The following CAPZB variants were observed in gnomAD, a reference collection of about 807,000 sequenced individuals.
CAPZB encodes capping actin protein of muscle Z-line subunit beta.
In CAPZB, 2 loss-of-function variants were observed where a neutral mutation model predicts 38.1. The observed-to-expected ratio is 0.05, with a 90% CI of 0.02 to 0.17. The LOEUF (loss-of-function observed/expected upper bound fraction) is 0.17. Among genes scored for constraint, CAPZB ranks in the 10% least tolerant of loss-of-function variants. The pLI, the probability that CAPZB is intolerant of heterozygous loss-of-function variation, is 1.00. For missense variants in CAPZB, 161 were observed against 334.2 expected (o/e 0.48, Z 4.04); for synonymous variants, 107 against 127.4 (o/e 0.84, Z 1.08).
chr1:19,443,439 A>G (rs1243598580), intron 1 of CAPZB, among the ~76,000 whole-genome samples: 3 of 151,998 alleles, frequency 2.0e-5, no homozygotes, highest in Non-Finnish European at 4.4e-5. Context: ...CTTTTTTTAA[A>G]ATAAGACACT....
intron 2 of CAPZB, among the ~76,000 whole-genome samples, chr1:19,414,734 T>G (rs1271231842): frequency 6.6e-6 from 1 of 152,200 alleles, no homozygotes; most frequent in Non-Finnish European, 1.5e-5. Context: ...TTGCTGCCAG[T>G]GTGCAGAGTA....
intron 2 of CAPZB, among the ~76,000 whole-genome samples, chr1:19,405,255 C>T (rs1003849729): frequency 2.0e-5 from 3 of 152,104 alleles, no homozygotes; most frequent in Non-Finnish European, 4.4e-5. Flanking sequence ...TGGCCAGGCA[C>T]TGTGTTAGGG....
intron 8 of CAPZB, among the ~76,000 whole-genome samples, chr1:19,341,650 G>C (rs2093929661): frequency 6.6e-6 from 1 of 152,222 alleles, no homozygotes; most frequent in Non-Finnish European, 1.5e-5. Context: ...TTCTACGCCA[G>C]GACGCCCCCA....
Position 19,357,053 on chromosome 1 carries a change from T to C in CAPZB, c.472-302A>G, listed in dbSNP as rs955345340. On this transcript the variant is annotated intron_variant, in intron 5 of 8. Coordinates refer to ENST00000264202, the MANE Select transcript of CAPZB (RefSeq NM_004930.5). This position sits in a 1 kb window ranked among gnomAD's most constrained non-coding sequence, Gnocchi z 4.3. The stretch of plus-strand genomic sequence containing the variant: ...ATGTTTTTTGTGTTTTTGGTAGAGA[T>C]GCGGTTTCGCCATATTGGCCAGGCT... Among the ~76,000 whole-genome samples the C allele has an allele frequency of 5.3e-5, 8 of 152,014 alleles. No individual in the cohort carries two copies. The highest frequency in any genetic ancestry group is 1.9e-4 in the African/African-American group (8 of 41,402).
intron 2 of CAPZB, among the ~76,000 whole-genome samples, chr1:19,386,143 G>A (rs2094202805): frequency 6.6e-6 from 1 of 152,232 alleles, no homozygotes; most frequent in African/African-American, 2.4e-5. Flanking sequence ...AACTCTATCT[G>A]CTGCAAAGAG....
intron 6 of CAPZB, among the ~76,000 whole-genome samples, chr1:19,348,309 T>A (rs2093973176): frequency 6.6e-6 from 1 of 152,012 alleles, no homozygotes; most frequent in Non-Finnish European, 1.5e-5. Flanking sequence ...TCTTGCTATG[T>A]TGCCCAGGCT....
At chr1:19,341,882 C>A (rs2093931168) in intron 8 of CAPZB, among the ~76,000 whole-genome samples, 1 of 152,204 alleles carries the variant, frequency 6.6e-6, no homozygotes, top group South Asian at 2.1e-4. Context: ...CTTGGAAAGT[C>A]TGCTGCACCC....
chr1:19,463,976 T>G (rs865935576), intron 1 of CAPZB, among the ~76,000 whole-genome samples: 4 of 151,264 alleles, frequency 2.6e-5, no homozygotes, highest in Admixed American at 1.3e-4. Flanking sequence ...GACCAGGAGT[T>G]TGAGCCGGGC....
intron 1 of CAPZB, among the ~76,000 whole-genome samples, chr1:19,464,339 T>C (rs2094562095): frequency 6.9e-6 from 1 of 145,954 alleles, no homozygotes; most frequent in Admixed American, 6.9e-5. Flanking sequence ...TCGCCCAGGC[T>C]GGAGTGCAGT....
intron 1 of CAPZB, among the ~76,000 whole-genome samples, chr1:19,468,822 C>T: frequency 6.6e-6 from 1 of 152,162 alleles, no homozygotes; most frequent in East Asian, 1.9e-4. Flanking sequence ...GTCTCTGGGC[C>T]CACCTCTCCT....
At chr1:19,346,817 CTTTTTTTTTTTTTT>C (rs34733600) in intron 6 of CAPZB, among the ~76,000 whole-genome samples, 1 of 84,100 alleles carries the variant, frequency 1.2e-5, no homozygotes, top group Admixed American at 1.4e-4. Flanking sequence ...CGACTTTTGT[CTTTTTTTTTTTTTT>C]TTTTTTTTTG....
At chr1:19,476,213 T>TAGACAGACAGAC (rs1433654028) in intron 1 of CAPZB, among the ~76,000 whole-genome samples, 21 of 122,682 alleles carry the variant, frequency 1.7e-4, no homozygotes, top group African/African-American at 7.1e-4. Context: ...GATAGATAGA[T>TAGACAGACAGAC]AGATAGATAG....
chr1:19,343,368 G>A (rs998707888), intron 8 of CAPZB, among the ~76,000 whole-genome samples: 1 of 152,230 alleles, frequency 6.6e-6, no homozygotes, highest in South Asian at 2.1e-4. Context: ...GGGCAGCCCC[G>A]GGACTGCAGC....
At chr1:19,353,678 C>T (rs779092505) in intron 6 of CAPZB, among the ~76,000 whole-genome samples, 6 of 152,232 alleles carry the variant, frequency 3.9e-5, no homozygotes, top group Non-Finnish European at 8.8e-5. Flanking sequence ...TCTGAAAACA[C>T]AGATCCAATC....
rs2094648254 is a variant in CAPZB at position 19,485,446 on chromosome 1, G to C, written c.-8C>G. 3.3e-6 allele frequency: 4 copies of C among 1,230,530 alleles called. No homozygotes were observed. The highest frequency in any genetic ancestry group is 4.2e-5 in the Admixed American group (1 of 23,598). 76.2% of individuals were successfully genotyped at this position (1,230,530 alleles called of 1,614,324 possible). The stretch of plus-strand genomic sequence containing the variant: ...CCGTGCGGCCTTTACCATGGTGGCG[G>C]CGGCGGCGGCGGTCCCGGTCCCGGC... On this transcript the variant is annotated 5_prime_UTR_variant, in exon 1 of 9. Transcript: ENST00000264202.
In CAPZB at chr1:19,445,066, G is replaced by A. The variant is rs1030726424; in HGVS notation, c.4-25316C>T. On this transcript the variant is annotated intron_variant, in intron 1 of 8. Transcript: ENST00000264202. ...CCTTTTTAAAATTTTTTTGACCCAC[G>A]AGATCTTTGACACAAAGATATCCAT... Among the ~76,000 whole-genome samples the A allele has an allele frequency of 6.6e-5, 10 of 152,074 alleles. 1 individual carries two copies. The South Asian group carries it at 1.0e-3, about 16-fold the overall frequency.
chr1:19,364,754 CA>C (rs1362517463), intron 4 of CAPZB, among the ~76,000 whole-genome samples: 1 of 152,244 alleles, frequency 6.6e-6, no homozygotes, highest in Non-Finnish European at 1.5e-5. Context: ...CTCCAGCACT[CA>C]AGACCAAATT....
rs184139549 is a variant in CAPZB, at chr1:19,383,514, T to C, written c.215+1991A>G. 2.5e-3 allele frequency among the ~76,000 whole-genome samples: 377 copies of C among 151,446 alleles called. 1 individual carries two copies. The highest frequency in any genetic ancestry group is 4.2e-3 in the Non-Finnish European group (288 of 67,942). ...GCCTATGGTCTTGTGCAGGGGGCCA[T>C]GTTCGCATCACTGCACTACAGCCTG... On this transcript the variant is annotated intron_variant, in intron 3 of 8. Transcript: ENST00000264202.
intron 1 of CAPZB, among the ~76,000 whole-genome samples, chr1:19,433,669 G>T (rs564843125): frequency 1.3e-5 from 2 of 152,328 alleles, no homozygotes; most frequent in South Asian, 4.1e-4. Context: ...TTATCTAGAA[G>T]GGGGTGGTGC....
Sources: allele counts gnomAD v4.1 joint callset (sites outside exome capture counted in the v4.1 genomes callset), GRCh38; gene constraint gnomAD v4.1.1; non-coding constraint Gnocchi (gnomAD v3.1); transcripts MANE v1.5; gene names NCBI Gene and HGNC (gene_info 2026-07-23, HGNC 2026-07-21).